Variants in CNTN5 observed in about 807,000 individuals in gnomAD.
The protein encoded by CNTN5 is contactin 5.
Under a neutral mutation model 129.1 loss-of-function variants are expected in CNTN5, and 77 were observed. The ratio of observed to expected loss-of-function variants is 0.60; its 90% confidence interval spans 0.50 to 0.72. CNTN5 has a LOEUF of 0.72. Among genes scored for constraint, CNTN5 ranks in the 30% least tolerant of loss-of-function variants. The pLI is 0.00. For missense variants in CNTN5, 1,478 were observed against 1,328.8 expected (o/e 1.11, Z -1.75); for synonymous variants, 509 against 465.6 (o/e 1.09, Z -1.20).
Position 99,917,924 on chromosome 11 carries a change from A to G in CNTN5, c.673+1775A>G, listed in dbSNP as rs145890610. Among the ~76,000 whole-genome samples, 1,009 of 152,246 alleles carry G rather than the reference A, an allele frequency of 6.6e-3. 10 individuals are homozygous for G. Among genetic ancestry groups the G allele is most frequent in the Middle Eastern group, 0.017 (5 of 294 alleles). On this transcript the variant is annotated intron_variant, in intron 7 of 24. Coordinates refer to ENST00000524871, the MANE Select transcript of CNTN5 (RefSeq NM_014361.4). ...ATGTAAATTAAATGACTGTTCAGTA[A>G]TCGTGTTTTACATCCGAACTCATCT...
intron 13 of CNTN5, among the ~76,000 whole-genome samples, chr11:100,107,160 T>A (rs12285049): frequency 0.011 from 1,716 of 152,220 alleles, 37 homozygotes; most frequent in African/African-American, 0.039. Context: ...AATAAAAGTA[T>A]CCCCAAGACC....
At chr11:100,092,341 C>G (rs573415295) in intron 13 of CNTN5, among the ~76,000 whole-genome samples, 5 of 152,232 alleles carry the variant, frequency 3.3e-5, no homozygotes, top group African/African-American at 1.2e-4. Context: ...GAAGCATCTG[C>G]AAAGCCTCTG....
intron 3 of CNTN5, among the ~76,000 whole-genome samples, chr11:99,762,309 C>T (rs1944608533): frequency 6.6e-6 from 1 of 151,102 alleles, no homozygotes; most frequent in Non-Finnish European, 1.5e-5. Context: ...GTTGCCATTG[C>T]TTTTGGTGTT....
At chr11:99,258,068 G>A (rs1862458505) in intron 1 of CNTN5, among the ~76,000 whole-genome samples, 1 of 151,956 alleles carries the variant, frequency 6.6e-6, no homozygotes. Flanking sequence ...AAATTCTCGC[G>A]GAGTTTTGAA....
intron 10 of CNTN5, among the ~76,000 whole-genome samples, chr11:100,067,094 C>T (rs1335496303): frequency 6.6e-6 from 1 of 151,872 alleles, no homozygotes; most frequent in Non-Finnish European, 1.5e-5. Flanking sequence ...GCAATGTAAA[C>T]AAGAAATCTG....
intron 6 of CNTN5, among the ~76,000 whole-genome samples, chr11:99,903,008 T>G (rs535889854): frequency 3.9e-5 from 6 of 152,126 alleles, no homozygotes; most frequent in Non-Finnish European, 7.4e-5. Context: ...AAATTAAACA[T>G]GGTATAAATT....
At chr11:99,758,958 A>G (rs559391102) in intron 3 of CNTN5, among the ~76,000 whole-genome samples, 2 of 152,088 alleles carry the variant, frequency 1.3e-5, no homozygotes, top group Non-Finnish European at 2.9e-5. Flanking sequence ...TGTGTGGACA[A>G]AGAGAATTGC....
At chr11:99,056,977 T>C (rs1005455439) in intron 1 of CNTN5, among the ~76,000 whole-genome samples, 7 of 152,058 alleles carry the variant, frequency 4.6e-5, no homozygotes, top group Non-Finnish European at 8.8e-5. Flanking sequence ...CTTTTCTCTT[T>C]GTTCTCAACT....
chr11:100,240,220 C>A (rs1949708337), intron 16 of CNTN5, among the ~76,000 whole-genome samples: 1 of 139,154 alleles, frequency 7.2e-6, no homozygotes, highest in Admixed American at 6.8e-5. Context: ...ATTATCAACA[C>A]CCCGCCCCAC....
At chr11:99,255,125 G>A (rs1407134354) in intron 1 of CNTN5, among the ~76,000 whole-genome samples, 1 of 151,714 alleles carries the variant, frequency 6.6e-6, no homozygotes, top group East Asian at 1.9e-4. Context: ...ACATGTATAG[G>A]GTGAGTCACC....
chr11:100,206,127 G>A (rs938819272), intron 15 of CNTN5, among the ~76,000 whole-genome samples: 1 of 152,032 alleles, frequency 6.6e-6, no homozygotes, highest in African/African-American at 2.4e-5. Context: ...TGAGTCAAAG[G>A]TACACATCAT....
At chr11:99,542,264 T>C (rs1439438631) in intron 2 of CNTN5, among the ~76,000 whole-genome samples, 1 of 152,134 alleles carries the variant, frequency 6.6e-6, no homozygotes, top group East Asian at 1.9e-4. Context: ...CTGTAACTTT[T>C]TCTTCATTTA....
chr11:99,155,803 G>A (rs1318641985), intron 1 of CNTN5, among the ~76,000 whole-genome samples: 2 of 152,052 alleles, frequency 1.3e-5, no homozygotes, highest in Non-Finnish European at 2.9e-5. Flanking sequence ...TGACACATAT[G>A]TATATAAATC....
chr11:100,140,813 T>C (rs1316993096), intron 13 of CNTN5, among the ~76,000 whole-genome samples: 1 of 152,154 alleles, frequency 6.6e-6, no homozygotes, highest in East Asian at 1.9e-4. Context: ...AAGGTTACTA[T>C]ATAATTCTAA....
chr11:100,236,292 C>G (rs931552411), intron 16 of CNTN5, among the ~76,000 whole-genome samples: 78 of 152,252 alleles, frequency 5.1e-4, no homozygotes, highest in African/African-American at 1.8e-3. Flanking sequence ...GCTGGCTGCT[C>G]TGAGAGAGAG....
At chr11:100,127,690 C>T in intron 13 of CNTN5, among the ~76,000 whole-genome samples, 1 of 111,156 alleles carries the variant, frequency 9.0e-6, no homozygotes, top group Non-Finnish European at 1.7e-5. Context: ...TGGAGTCTCT[C>T]TCTTGTCACC....
chr11:100,235,265 G>A (rs565419143), intron 16 of CNTN5, among the ~76,000 whole-genome samples: 1 of 152,092 alleles, frequency 6.6e-6, no homozygotes, highest in African/African-American at 2.4e-5. Context: ...CTGTCACCTA[G>A]ACTGCTTTGG....
intron 3 of CNTN5, among the ~76,000 whole-genome samples, chr11:99,744,248 A>G (rs1000753195): frequency 9.9e-5 from 15 of 152,180 alleles, no homozygotes; most frequent in African/African-American, 2.6e-4. Flanking sequence ...TTCACAGAGG[A>G]GAGACAAGTA....
At chr11:99,982,628 A>G (rs1938417428) in intron 8 of CNTN5, among the ~76,000 whole-genome samples, 1 of 152,052 alleles carries the variant, frequency 6.6e-6, no homozygotes, top group African/African-American at 2.4e-5. Flanking sequence ...GGTCAAATTT[A>G]TTTATTTTTT....
Sources: allele counts gnomAD v4.1 joint callset (sites outside exome capture counted in the v4.1 genomes callset), GRCh38; gene constraint gnomAD v4.1.1; transcripts MANE v1.5; gene names NCBI Gene and HGNC (gene_info 2026-07-23, HGNC 2026-07-21).